The following SMOC1 variants were observed in gnomAD, a reference collection of about 807,000 sequenced individuals.
SMOC1 encodes SPARC-related modular calcium-binding protein 1.
In SMOC1, 22 loss-of-function variants were observed where a neutral mutation model predicts 56.3. That is an observed-to-expected ratio of 0.39 (90% CI 0.28 to 0.56). The LOEUF is 0.56. Ranked by LOEUF, SMOC1 falls within the 20% of genes least tolerant of loss-of-function variation. The pLI is 0.61. For synonymous variants in SMOC1, 193 were observed against 215.0 expected, an observed-to-expected ratio of 0.90 and a Z score of 0.89; for missense variants, 509 against 565.4, an observed-to-expected ratio of 0.90 and a Z score of 1.01.
At chr14:69,941,948 T>C (rs1473504191) in intron 1 of SMOC1, among the ~76,000 whole-genome samples, 1 of 152,212 alleles carries the variant, frequency 6.6e-6, no homozygotes, top group African/African-American at 2.4e-5. Context: ...TGTCAGCTGC[T>C]CTGTCCAGCA....
chr14:69,913,293 A>T (rs944651094), intron 1 of SMOC1, among the ~76,000 whole-genome samples: 1 of 152,178 alleles, frequency 6.6e-6, no homozygotes, highest in Non-Finnish European at 1.5e-5. Context: ...CCAGTGTTCT[A>T]TGTACTCTTA....
At position 69,943,678 on chromosome 14, in the gene SMOC1, C is replaced by A. The variant is rs938997286; in HGVS notation, c.100-8460C>A. On this transcript the variant is annotated intron_variant, in intron 1 of 11. Transcript: ENST00000361956. ...GGCATTGGCTCCAAGAGTGGCTTTCCCCCCCCTTTCAATAGCAGGTTTACC... is the reference window on the plus strand; with the variant it reads ...GGCATTGGCTCCAAGAGTGGCTTTCACCCCCCTTTCAATAGCAGGTTTACC... 2.0e-4 allele frequency among the ~76,000 whole-genome samples: 9 copies of A among 44,516 alleles called. No individual in the cohort carries two copies. In the East Asian group the frequency reaches 4.7e-3, roughly 23 times the overall value. The allele number at this position is 44,516 out of a possible 152,430, so 29.2% of individuals were successfully genotyped here. A position where few individuals can be genotyped will look rare whatever the true frequency, so the allele number is the denominator to read the frequency against.
chr14:69,988,977 G>A (rs769289589), intron 5 of SMOC1, among the ~76,000 whole-genome samples: 1 of 152,196 alleles, frequency 6.6e-6, no homozygotes, highest in Non-Finnish European at 1.5e-5. Context: ...TCAGTTTGAA[G>A]CTTTAATGAA....
intron 2 of SMOC1, among the ~76,000 whole-genome samples, chr14:69,953,170 G>C (rs1405684916): frequency 6.6e-6 from 1 of 152,078 alleles, no homozygotes; most frequent in Non-Finnish European, 1.5e-5. Context: ...TATGGGGCCA[G>C]GGTAGAGGTA....
chr14:69,906,927 G>A (rs181471647), intron 1 of SMOC1, among the ~76,000 whole-genome samples: 1 of 152,284 alleles, frequency 6.6e-6, no homozygotes, highest in East Asian at 1.9e-4. Flanking sequence ...GAGATGCAAA[G>A]TCAAAATTTT....
intron 11 of SMOC1, among the ~76,000 whole-genome samples, chr14:70,026,430 C>T (rs1455104841): frequency 3.3e-5 from 5 of 152,200 alleles, no homozygotes; most frequent in African/African-American, 9.7e-5. Context: ...TGAAGCCTTT[C>T]CAGGCACCAG....
At chr14:70,008,009 C>T (rs1885204724) in intron 7 of SMOC1, among the ~76,000 whole-genome samples, 1 of 151,972 alleles carries the variant, frequency 6.6e-6, no homozygotes, top group African/African-American at 2.4e-5. Flanking sequence ...AGTAGTAAAT[C>T]AATAATAAAA....
At chr14:69,961,909 C>A (rs1883397209) in intron 3 of SMOC1, among the ~76,000 whole-genome samples, 1 of 152,174 alleles carries the variant, frequency 6.6e-6, no homozygotes, top group African/African-American at 2.4e-5. Flanking sequence ...ACATCCTTGT[C>A]AACACTTGTT....
At chr14:69,996,412 G>A (rs1360467354) in intron 7 of SMOC1, among the ~76,000 whole-genome samples, 1 of 152,264 alleles carries the variant, frequency 6.6e-6, no homozygotes, top group Non-Finnish European at 1.5e-5. Context: ...TAGCTAGGGA[G>A]TGGTTGGGCT....
At chr14:69,909,345 T>C (rs960229922) in intron 1 of SMOC1, among the ~76,000 whole-genome samples, 4 of 152,242 alleles carry the variant, frequency 2.6e-5, no homozygotes, top group African/African-American at 9.6e-5. Flanking sequence ...ATACACTGTG[T>C]CTGATAGCAG....
intron 1 of SMOC1, among the ~76,000 whole-genome samples, chr14:69,924,379 C>T (rs562879884): frequency 1.3e-5 from 2 of 152,316 alleles, no homozygotes; most frequent in South Asian, 2.1e-4. Context: ...TTACAATCTA[C>T]TCAGCCCTGG....
At chr14:69,983,921 C>T (rs1003699485) in intron 5 of SMOC1, among the ~76,000 whole-genome samples, 11 of 152,216 alleles carry the variant, frequency 7.2e-5, no homozygotes, top group African/African-American at 2.7e-4. Flanking sequence ...TCTCAGGTTC[C>T]ATTGCAGTGA....
intron 1 of SMOC1, among the ~76,000 whole-genome samples, chr14:69,934,951 T>G (rs1054126981): frequency 2.0e-5 from 3 of 152,218 alleles, no homozygotes; most frequent in African/African-American, 7.2e-5. Flanking sequence ...ATTAAAATAA[T>G]TTATTTAAAA....
At chr14:70,005,565 A>G (rs1203831405) in intron 7 of SMOC1, among the ~76,000 whole-genome samples, 4 of 152,226 alleles carry the variant, frequency 2.6e-5, no homozygotes, top group African/African-American at 9.6e-5. Flanking sequence ...AGGGGTGGAC[A>G]TGGTTTCACT....
chr14:70,003,429 G>A (rs573628605), intron 7 of SMOC1, among the ~76,000 whole-genome samples: 6 of 152,292 alleles, frequency 3.9e-5, no homozygotes, highest in African/African-American at 1.4e-4. Context: ...CAAAGGGATA[G>A]ATATTCTTTT....
intron 3 of SMOC1, among the ~76,000 whole-genome samples, chr14:69,956,918 G>A (rs1232932793): frequency 1.3e-5 from 2 of 152,126 alleles, no homozygotes; most frequent in Admixed American, 1.3e-4. Context: ...GTGTTTTTTC[G>A]AGCTCCCCAG....
chr14:69,972,182 G>A (rs538497089), intron 3 of SMOC1, among the ~76,000 whole-genome samples: 51 of 152,304 alleles, frequency 3.3e-4, no homozygotes, highest in Non-Finnish European at 5.7e-4. Flanking sequence ...GAGTTAAGTG[G>A]CGGAGCTGGG....
rs558568068 is a variant in SMOC1, at chr14:69,986,066, G to A, written c.527-6351G>A. ...CATCTATACCCTGGAAAAATACTCA[G>A]CAATAAAAAGGAATGAATTGTTGAT... On this transcript the variant is annotated intron_variant, in intron 5 of 11. Transcript: ENST00000361956. Among the ~76,000 whole-genome samples the A allele has an allele frequency of 6.6e-5, 10 of 152,242 alleles. No homozygotes were observed. The South Asian group carries it at 2.1e-3, about 32-fold the overall frequency.
Position 69,990,487 on chromosome 14 carries a change from C to T in SMOC1, c.527-1930C>T, listed in dbSNP as rs565294608. Among the ~76,000 whole-genome samples the T allele has an allele frequency of 4.4e-4, 67 of 152,376 alleles. No homozygotes were observed. In the Middle Eastern group the frequency reaches 0.031, roughly 70 times the overall value. On this transcript the variant is annotated intron_variant, in intron 5 of 11. Coordinates refer to ENST00000361956, the MANE Select transcript of SMOC1 (RefSeq NM_001034852.3). ...ACCCTGTGTGGAAGGGCTGAGCACACTGTGCTGGACTATTTAGACTGTGAA... is the reference window on the plus strand; with the variant it reads ...ACCCTGTGTGGAAGGGCTGAGCACATTGTGCTGGACTATTTAGACTGTGAA...
Sources: gnomAD v4.1 joint callset for allele counts (sites outside exome capture counted in the v4.1 genomes callset) on GRCh38, gnomAD v4.1.1 for gene constraint, MANE v1.5 for transcripts, NCBI Gene and HGNC (gene_info 2026-07-23, HGNC 2026-07-21) for gene names.